Variants in ASPH observed in about 807,000 individuals in gnomAD.
The protein encoded by ASPH is aspartyl/asparaginyl beta-hydroxylase.
In ASPH, 100 loss-of-function variants were observed where a neutral mutation model predicts 118.4. That is an observed-to-expected ratio of 0.84 (90% confidence interval 0.72 to 1.00). The LOEUF (loss-of-function observed/expected upper bound fraction) is 1.00, where lower values mean the gene tolerates loss of function less well. Among genes scored for constraint, ASPH ranks in the 50% least tolerant of loss-of-function variants. The pLI is 0.00. For missense variants in ASPH, 920 were observed against 919.5 expected (o/e 1.00, Z -0.01); for synonymous variants, 315 against 325.6 (o/e 0.97, Z 0.35).
chr8:61,691,243 C>T (rs1832562938), intron 1 of ASPH, among the ~76,000 whole-genome samples: 1 of 152,098 alleles, frequency 6.6e-6, no homozygotes, highest in African/African-American at 2.4e-5. Flanking sequence ...CTATTGAATG[C>T]ATGGTAAGAT....
intron 15 of ASPH, among the ~76,000 whole-genome samples, chr8:61,580,790 A>G (rs566240179): frequency 6.6e-6 from 1 of 152,170 alleles, no homozygotes; most frequent in East Asian, 1.9e-4. Context: ...TCTTATGAGG[A>G]AACATGATTG....
At chr8:61,530,837 G>T (rs1817299289) in intron 21 of ASPH, among the ~76,000 whole-genome samples, 1 of 152,036 alleles carries the variant, frequency 6.6e-6, no homozygotes, top group African/African-American at 2.4e-5. Flanking sequence ...TTCTTCTGTT[G>T]TTAACCTGCT....
chr8:61,531,420 T>C (rs368867620), intron 21 of ASPH, among the ~76,000 whole-genome samples: 12 of 152,104 alleles, frequency 7.9e-5, no homozygotes, highest in African/African-American at 7.2e-5. Flanking sequence ...ACAGGTAAAA[T>C]TGAATTCTGA....
At chr8:61,602,631 G>A (rs2133510622) in intron 14 of ASPH, among the ~76,000 whole-genome samples, 1 of 151,350 alleles carries the variant, frequency 6.6e-6, no homozygotes, top group African/African-American at 2.5e-5. Context: ...AATGCGTAGG[G>A]ACCTTAAGTG....
intron 14 of ASPH, among the ~76,000 whole-genome samples, chr8:61,618,502 C>T (rs910577502): frequency 6.6e-6 from 1 of 152,134 alleles, no homozygotes; most frequent in Non-Finnish European, 1.5e-5. Flanking sequence ...AAAAAGATAT[C>T]ATGTTCTAGG....
At chr8:61,702,273 G>A (rs1460449001) in intron 1 of ASPH, among the ~76,000 whole-genome samples, 1 of 147,060 alleles carries the variant, frequency 6.8e-6, no homozygotes, top group Non-Finnish European at 1.5e-5. Flanking sequence ...TTACCAAATA[G>A]CTACTTCTTT....
chr8:61,694,356 T>G (rs929045739), intron 1 of ASPH, among the ~76,000 whole-genome samples: 1 of 152,314 alleles, frequency 6.6e-6, no homozygotes, highest in East Asian at 1.9e-4. Flanking sequence ...CCATCACAGA[T>G]GAAATTCTCC....
intron 3 of ASPH, chr8:61,658,160 T>TAATCA (rs1814777776): frequency 3.3e-5 from 5 of 152,302 alleles, no homozygotes; most frequent in Non-Finnish European, 5.9e-5. Flanking sequence ...GCTCCTGGCT[T>TAATCA]GTGTAATCAG....
At chr8:61,548,330 G>T in intron 20 of ASPH, 122 bp from the exon 21 acceptor site, 1 of 1,162,908 alleles carries the variant, frequency 8.6e-7, no homozygotes, top group Non-Finnish European at 1.2e-6. Context: ...AGAGCTTACT[G>T]CTAGGTACTC....
intron 24 of ASPH, among the ~76,000 whole-genome samples, chr8:61,513,760 T>G (rs1317348782): frequency 6.6e-6 from 1 of 152,176 alleles, no homozygotes; most frequent in East Asian, 1.9e-4. Context: ...GCTGCCAAGT[T>G]AATATTCTCA....
chr8:61,586,028 A>G (rs1048763385), intron 14 of ASPH, among the ~76,000 whole-genome samples: 1 of 152,034 alleles, frequency 6.6e-6, no homozygotes, highest in Non-Finnish European at 1.5e-5. Context: ...CTGCAAATCT[A>G]TTTGTTCTGT....
chr8:61,697,239 C>T (rs746186227), intron 1 of ASPH, among the ~76,000 whole-genome samples: 10 of 152,190 alleles, frequency 6.6e-5, no homozygotes, highest in Non-Finnish European at 1.5e-4. Flanking sequence ...AATTATAATA[C>T]ATCTTGGGGA....
At chr8:61,711,315 C>G (rs1470636679) in intron 1 of ASPH, among the ~76,000 whole-genome samples, 1 of 151,774 alleles carries the variant, frequency 6.6e-6, no homozygotes, top group African/African-American at 2.4e-5. Context: ...CAAAATAAGC[C>G]CAAAAGGACA....
In ASPH at chr8:61,650,410, C is replaced by T. The variant is rs564063648; in HGVS notation, c.490+640G>A. On this transcript the variant is annotated intron_variant, in intron 5 of 24. Coordinates refer to ENST00000379454, the MANE Select transcript of ASPH (RefSeq NM_004318.4). The stretch of plus-strand genomic sequence containing the variant: ...CAGGAGAATCAGGATTCCAGAACAT[C>T]CTGCCCACTCCACAATCCCTTCATG... Among the ~76,000 whole-genome samples the T allele has an allele frequency of 3.3e-5, 5 of 152,310 alleles. No individual in the cohort carries two copies. The East Asian group carries it at 9.6e-4, about 29-fold the overall frequency.
intron 1 of ASPH, among the ~76,000 whole-genome samples, chr8:61,712,463 C>A (rs931354591): frequency 2.0e-5 from 3 of 152,208 alleles, no homozygotes; most frequent in Admixed American, 6.5e-5. Flanking sequence ...CATTACGTCA[C>A]ATGCAGGGTT....
At chr8:61,587,322 G>C (rs1322106285) in intron 14 of ASPH, among the ~76,000 whole-genome samples, 2 of 152,192 alleles carry the variant, frequency 1.3e-5, no homozygotes, top group African/African-American at 4.8e-5. Context: ...CTGTGACACA[G>C]ATTGATGGTA....
chr8:61,654,083 A>G (rs923588519), intron 3 of ASPH, among the ~76,000 whole-genome samples: 1 of 152,216 alleles, frequency 6.6e-6, no homozygotes, highest in South Asian at 2.1e-4. Flanking sequence ...TTTCACTTAT[A>G]TAATTATTTA....
chr8:61,562,947 T>C (rs1282704161), intron 17 of ASPH, 67 bp from the exon 18 acceptor site: 11 of 1,453,564 alleles, frequency 7.6e-6, no homozygotes, highest in East Asian at 7.4e-5. Flanking sequence ...GTATTGAGAA[T>C]GTAAGTCATG....
intron 10 of ASPH, among the ~76,000 whole-genome samples, chr8:61,641,224 A>G (rs976405695): frequency 6.6e-6 from 1 of 152,306 alleles, no homozygotes; most frequent in African/African-American, 2.4e-5. Flanking sequence ...GAAAACATAT[A>G]ACATTCTTTT....
Sources: allele counts gnomAD v4.1 joint callset (sites outside exome capture counted in the v4.1 genomes callset), GRCh38; gene constraint gnomAD v4.1.1; transcripts MANE v1.5; gene names NCBI Gene and HGNC (gene_info 2026-07-23, HGNC 2026-07-21).